The following CDIN1 variants were observed in gnomAD, a reference collection of about 807,000 sequenced individuals.
CDIN1 encodes CDAN1-interacting nuclease 1.
CDIN1 carries 33 observed loss-of-function variants against 45.3 expected under a neutral mutation model. That is an observed-to-expected ratio of 0.73 (90% CI 0.55 to 0.97). The LOEUF (loss-of-function observed/expected upper bound fraction) is 0.97. Among genes scored for constraint, CDIN1 ranks in the 50% least tolerant of loss-of-function variants. The probability of loss-of-function intolerance (pLI) is 0.00; values close to 1 mark genes in which losing one functional copy is unlikely to be tolerated. For missense variants in CDIN1, 303 were observed against 339.4 expected (o/e 0.89, Z 0.84); for synonymous variants, 118 against 124.4 (o/e 0.95, Z 0.34).
At chr15:36,670,345 A>G (rs2041405689) in intron 5 of CDIN1, among the ~76,000 whole-genome samples, 1 of 152,142 alleles carries the variant, frequency 6.6e-6, no homozygotes. Context: ...CTCTTCAAGA[A>G]CACAGATAAA....
intron 1 of CDIN1, among the ~76,000 whole-genome samples, chr15:36,625,182 G>A (rs2039364982): frequency 6.6e-6 from 1 of 152,026 alleles, no homozygotes; most frequent in African/African-American, 2.4e-5. Flanking sequence ...TTGGGAGGCT[G>A]AGGCAGGAGA....
In CDIN1 at chr15:36,618,039, C is replaced by T. The variant is rs866445896; in HGVS notation, c.102-26239C>T. ...GTATATAATCTTCACCAGCAGTTCT[C>T]GGTCTATAGTATTATTCCTCAGTCT... On this transcript the variant is annotated intron_variant, in intron 1 of 10. Coordinates refer to ENST00000566621, the MANE Select transcript of CDIN1 (RefSeq NM_001321759.2). 36 of 779,406 alleles carry T rather than the reference C, an allele frequency of 4.6e-5. No individual in the cohort carries two copies. The Middle Eastern group carries it at 7.2e-4, about 16-fold the overall frequency. 48.3% of individuals were successfully genotyped at this position (779,406 alleles called of 1,614,324 possible).
intron 5 of CDIN1, among the ~76,000 whole-genome samples, chr15:36,659,993 A>T (rs12910089): frequency 7.6e-6 from 1 of 131,624 alleles, no homozygotes; most frequent in East Asian, 2.2e-4. Flanking sequence ...TTCTTAAAGA[A>T]CTTTAAGTTA....
intron 10 of CDIN1, among the ~76,000 whole-genome samples, chr15:36,795,660 G>A (rs2054775217): frequency 6.6e-6 from 1 of 151,712 alleles, no homozygotes; most frequent in South Asian, 2.1e-4. Flanking sequence ...AGTTTCTCCT[G>A]GTCTCATGAA....
At chr15:36,713,791 T>C (rs996992285) in intron 10 of CDIN1, among the ~76,000 whole-genome samples, 4 of 152,228 alleles carry the variant, frequency 2.6e-5, no homozygotes, top group South Asian at 2.1e-4. Context: ...TCAGCTTGGC[T>C]GACATCTCTT....
intron 10 of CDIN1, among the ~76,000 whole-genome samples, chr15:36,800,361 C>T (rs1373861907): frequency 6.6e-6 from 1 of 151,898 alleles, no homozygotes; most frequent in Non-Finnish European, 1.5e-5. Flanking sequence ...TTCATTTCTA[C>T]GAAAAAAGAA....
Position 36,697,406 on chromosome 15 carries a change from A to G in CDIN1, c.544+16A>G. 6.3e-7 allele frequency: 1 copy of G among 1,592,436 alleles called. No homozygotes were observed. Among genetic ancestry groups the G allele is most frequent in the Admixed American group, 1.8e-5 (1 of 56,998 alleles). Reference sequence around the variant, plus strand: ...TCCTTCCTAGGTAAGTATTATTCACATCTTCTCTAGCTTGTGTTGTCTCCC... The same window carrying G: ...TCCTTCCTAGGTAAGTATTATTCACGTCTTCTCTAGCTTGTGTTGTCTCCC... On this transcript the variant is annotated intron_variant, in intron 8 of 10. Transcript: ENST00000566621.
intron 8 of CDIN1, chr15:36,702,165 G>C (rs893725373): frequency 2.9e-6 from 2 of 700,904 alleles, no homozygotes; most frequent in African/African-American, 3.5e-5. Context: ...ATTTCATAAG[G>C]AATCCACCAT....
intron 1 of CDIN1, among the ~76,000 whole-genome samples, chr15:36,620,782 T>A (rs1566839997): frequency 6.6e-6 from 1 of 151,378 alleles, no homozygotes; most frequent in African/African-American, 2.4e-5. Flanking sequence ...AAAATATTAT[T>A]TTTTTTTTAA....
chr15:36,746,059 G>A (rs1269244139), intron 10 of CDIN1, among the ~76,000 whole-genome samples: 1 of 152,152 alleles, frequency 6.6e-6, no homozygotes, highest in Non-Finnish European at 1.5e-5. Flanking sequence ...TAGAGCGAAA[G>A]GAACAGGATC....
At chr15:36,751,847 G>T (rs1016947964) in intron 10 of CDIN1, among the ~76,000 whole-genome samples, 1 of 152,172 alleles carries the variant, frequency 6.6e-6, no homozygotes, top group Non-Finnish European at 1.5e-5. Context: ...GTCCTTCGCA[G>T]GGTCATGGAT....
At chr15:36,708,950 T>A (rs1359943369) in intron 8 of CDIN1, 4 of 274,620 alleles carry the variant, frequency 1.5e-5, no homozygotes, top group Non-Finnish European at 2.7e-5. Context: ...GTACTTTCAA[T>A]TACAAAAAAG....
intron 5 of CDIN1, among the ~76,000 whole-genome samples, chr15:36,674,751 G>GTC (rs2140563632): frequency 6.6e-6 from 1 of 152,172 alleles, no homozygotes; most frequent in East Asian, 1.9e-4. Context: ...GAAGTAATAT[G>GTC]TCTCTTGGCT....
rs115937786 is a variant in CDIN1, at chr15:36,595,945, A to G, written c.101+15984A>G. ...TCAGCGGTGCCCACCGACCATTGCC[A>G]GTATATTAAATGCATTTTTAATATC... On this transcript the variant is annotated intron_variant, in intron 1 of 10. Transcript: ENST00000566621. Among the ~76,000 whole-genome samples the G allele has an allele frequency of 9.7e-3, 1,474 of 152,328 alleles. 17 individuals are homozygous for G. Among genetic ancestry groups the G allele is most frequent in the African/African-American group, 0.033 (1,385 of 41,568 alleles).
intron 10 of CDIN1, among the ~76,000 whole-genome samples, chr15:36,778,776 A>G (rs79295318): frequency 6.6e-6 from 1 of 152,114 alleles, no homozygotes; most frequent in Non-Finnish European, 1.5e-5. Flanking sequence ...TATGGAATCA[A>G]CTCACTCTAA....
intron 10 of CDIN1, among the ~76,000 whole-genome samples, chr15:36,796,328 A>C (rs1005800560): frequency 6.6e-6 from 1 of 152,206 alleles, no homozygotes; most frequent in Non-Finnish European, 1.5e-5. Flanking sequence ...AGATAGAGAA[A>C]TCTTGGGGCT....
At chr15:36,754,203 G>A (rs2053547915) in intron 10 of CDIN1, among the ~76,000 whole-genome samples, 3 of 152,066 alleles carry the variant, frequency 2.0e-5, no homozygotes, top group Admixed American at 1.3e-4. Flanking sequence ...CTTCATAATG[G>A]AGGTCAGGTG....
At chr15:36,635,186 A>G (rs985261848) in intron 1 of CDIN1, among the ~76,000 whole-genome samples, 2 of 152,184 alleles carry the variant, frequency 1.3e-5, no homozygotes, top group African/African-American at 4.8e-5. Context: ...TTTCAGATTT[A>G]TCTGATTGGC....
intron 4 of CDIN1, 130 bp downstream of exon 4, chr15:36,654,288 G>A (rs1052189277): frequency 6.3e-6 from 4 of 636,200 alleles, no homozygotes; most frequent in Non-Finnish European, 1.1e-5. Context: ...CATTTAAATT[G>A]CTCCCTGATC....
Sources: allele counts gnomAD v4.1 joint callset (sites outside exome capture counted in the v4.1 genomes callset), GRCh38; gene constraint gnomAD v4.1.1; transcripts MANE v1.5; gene names NCBI Gene and HGNC (gene_info 2026-07-23, HGNC 2026-07-21).